The following PRRG1 variants were observed in gnomAD, a reference collection of about 807,000 sequenced individuals.
The protein encoded by PRRG1 is proline rich and Gla domain 1.
PRRG1 carries 5 observed loss-of-function variants against 11.8 expected under a neutral mutation model. The ratio of observed to expected loss-of-function variants is 0.42; its 90% confidence interval spans 0.22 to 0.89. The LOEUF is 0.89. PRRG1 is among the 40% of genes least tolerant of loss of function. The pLI is 0.28. For missense variants in PRRG1, 155 were observed against 166.1 expected (o/e 0.93, Z 0.37); for synonymous variants, 66 against 60.4 (o/e 1.09, Z -0.43).
chrX:37,440,791 G>C, intron 3 of PRRG1: 1 of 508,985 alleles, frequency 2.0e-6, no homozygotes, highest in Non-Finnish European at 3.5e-6. Context: ...ATTGAGACAG[G>C]GTCTTGTTCT....
intron 1 of PRRG1, among the ~76,000 whole-genome samples, chrX:37,369,796 A>G (rs1170425376): frequency 9.0e-6 from 1 of 111,531 alleles, no homozygotes; most frequent in African/African-American, 3.3e-5. Context: ...CCTGATAGTG[A>G]ATAAGTCTCA....
chrX:37,383,271 CAA>C (rs782664578), intron 1 of PRRG1, among the ~76,000 whole-genome samples: 1 of 111,542 alleles, frequency 9.0e-6, no homozygotes. Flanking sequence ...TTTGTTGAGA[CAA>C]ATTTCCTTTG....
At chrX:37,397,216 G>T (rs1192884153) in intron 1 of PRRG1, among the ~76,000 whole-genome samples, 1 of 111,881 alleles carries the variant, frequency 8.9e-6, no homozygotes, top group Non-Finnish European at 1.9e-5. Context: ...CCATGTTTTT[G>T]CCTGCTATTT....
At chrX:37,427,647 C>A (rs1349329988) in intron 3 of PRRG1, among the ~76,000 whole-genome samples, 1 of 112,282 alleles carries the variant, frequency 8.9e-6, no homozygotes, top group Non-Finnish European at 1.9e-5. Context: ...AACCACCATT[C>A]TCCTCTTTGC....
rs186939028 is a variant in PRRG1, at chrX:37,396,766, C to T, written c.-41-9443C>T. Among the ~76,000 whole-genome samples, 374 of 111,098 alleles carry T rather than the reference C, an allele frequency of 3.4e-3. 2 individuals carry two copies. Among genetic ancestry groups the T allele is most frequent in the African/African-American group, 0.012 (352 of 30,570 alleles). The stretch of plus-strand genomic sequence containing the variant: ...AAAAAAAAGCAGATAATTTGTCTCT[C>T]GTTTGCCAATTTTTTTCTCTAAGGC... On this transcript the variant is annotated intron_variant, in intron 1 of 3. Transcript: ENST00000378628.
At chrX:37,434,244 G>A (rs1300318277) in intron 3 of PRRG1, among the ~76,000 whole-genome samples, 1 of 112,196 alleles carries the variant, frequency 8.9e-6, no homozygotes, top group African/African-American at 3.2e-5. Context: ...TGGAACACAA[G>A]TCTAATTATA....
At chrX:37,419,142 A>G (rs782355165) in intron 2 of PRRG1, among the ~76,000 whole-genome samples, 1 of 112,349 alleles carries the variant, frequency 8.9e-6, no homozygotes, top group East Asian at 2.8e-4. Flanking sequence ...TAGCCACCCA[A>G]ACTATCAACC....
intron 1 of PRRG1, among the ~76,000 whole-genome samples, chrX:37,377,514 A>C (rs1556372715): frequency 1.8e-5 from 2 of 112,070 alleles, no homozygotes; most frequent in Non-Finnish European, 3.8e-5. Context: ...AATCCTCAAA[A>C]TACAACTTGA....
At chrX:37,373,247 T>A (rs1930827444) in intron 1 of PRRG1, among the ~76,000 whole-genome samples, 2 of 112,145 alleles carry the variant, frequency 1.8e-5, no homozygotes, top group Non-Finnish European at 3.8e-5. Context: ...TCAAGCTTTT[T>A]TCCCCCTCAA....
At chrX:37,376,551 G>GTATATATATATA (rs542194109) in intron 1 of PRRG1, among the ~76,000 whole-genome samples, 555 of 26,842 alleles carry the variant, frequency 0.021, 100 homozygotes, top group East Asian at 0.08. Flanking sequence ...AAATGTGAGT[G>GTATATATATATA]TATATATATA....
chrX:37,403,181 G>A (rs1166920831), intron 1 of PRRG1, among the ~76,000 whole-genome samples: 5 of 109,542 alleles, frequency 4.6e-5, no homozygotes, highest in East Asian at 2.9e-4. Context: ...ACATGCACAC[G>A]TATGTTTATT....
chrX:37,449,447 C>G (rs1478179839), intron 3 of PRRG1, among the ~76,000 whole-genome samples: 1 of 112,146 alleles, frequency 8.9e-6, no homozygotes, highest in Non-Finnish European at 1.9e-5. Context: ...TCGTAAATGG[C>G]AGTGAGAACA....
Position 37,432,279 on chromosome X carries a change from G to GT in PRRG1, c.171+6279_171+6280insT, listed in dbSNP as rs1932838068. The stretch of plus-strand genomic sequence containing the variant: ...ATTTTTTGTATTTTTAGTAGAGACG[G>GT]CTTTCACCCTGTTAGCCAGGATGGT... On this transcript the variant is annotated intron_variant, in intron 3 of 3. Transcript: ENST00000378628. Among the ~76,000 whole-genome samples, 11 of 104,129 alleles carry GT rather than the reference G, an allele frequency of 1.1e-4. No homozygotes were observed. The East Asian group carries it at 3.2e-3, about 30-fold the overall frequency. 90.4% of individuals were successfully genotyped at this position (104,129 alleles called of 115,157 possible).
chrX:37,379,097 A>T (rs180752158), intron 1 of PRRG1, among the ~76,000 whole-genome samples: 2 of 90,933 alleles, frequency 2.2e-5, no homozygotes, highest in African/African-American at 9.0e-5. Context: ...ACAGGAGGCA[A>T]GTCTTTTGGC....
At chrX:37,362,265 T>A (rs1234685096) in intron 1 of PRRG1, among the ~76,000 whole-genome samples, 1 of 112,373 alleles carries the variant, frequency 8.9e-6, no homozygotes, top group Non-Finnish European at 1.9e-5. Flanking sequence ...TGTACTTTTT[T>A]ATATATTTCA....
intron 3 of PRRG1, among the ~76,000 whole-genome samples, chrX:37,447,503 A>G (rs1244126876): frequency 1.8e-5 from 2 of 112,558 alleles, no homozygotes; most frequent in Non-Finnish European, 3.8e-5. Context: ...TCAGGCACCA[A>G]GTTTAGCTCA....
intron 3 of PRRG1, among the ~76,000 whole-genome samples, chrX:37,444,055 A>G (rs1602039108): frequency 8.9e-6 from 1 of 112,329 alleles, no homozygotes. Flanking sequence ...TAAAATATGA[A>G]CAAGTTTAGC....
At chrX:37,401,499 C>T (rs1556380250) in intron 1 of PRRG1, among the ~76,000 whole-genome samples, 1 of 109,989 alleles carries the variant, frequency 9.1e-6, no homozygotes, top group East Asian at 2.8e-4. Context: ...ATAATAAGAG[C>T]TATCTATGAC....
At chrX:37,361,904 G>T (rs782224137) in intron 1 of PRRG1, among the ~76,000 whole-genome samples, 2 of 112,102 alleles carry the variant, frequency 1.8e-5, no homozygotes, top group African/African-American at 6.5e-5. Flanking sequence ...AGTCAGAAAC[G>T]TAAGCCTAGG....
Sources: allele counts gnomAD v4.1 joint callset (sites outside exome capture counted in the v4.1 genomes callset), GRCh38; gene constraint gnomAD v4.1.1; transcripts MANE v1.5; gene names NCBI Gene and HGNC (gene_info 2026-07-23, HGNC 2026-07-21).